DLGAP2: variants seen among roughly 807,000 people sequenced by gnomAD.
The protein encoded by DLGAP2 is disks large-associated protein 2.
Under a neutral mutation model 100.3 loss-of-function variants are expected in DLGAP2, and 26 were observed. The ratio of observed to expected loss-of-function variants is 0.26; its 90% CI spans 0.19 to 0.36. DLGAP2 has a LOEUF of 0.36. Ranked by LOEUF, DLGAP2 falls within the 10% of genes least tolerant of loss-of-function variation. The pLI is 1.00. For missense variants in DLGAP2, 1,858 were observed against 1,453.2 expected, an observed-to-expected ratio of 1.28 and a Z score of -4.53; for synonymous variants, 886 against 630.1, an observed-to-expected ratio of 1.41 and a Z score of -6.08.
At chr8:1,074,865 G>C (rs1353598146) in intron 2 of DLGAP2, among the ~76,000 whole-genome samples, 1 of 152,190 alleles carries the variant, frequency 6.6e-6, no homozygotes, top group Non-Finnish European at 1.5e-5. Context: ...GAGGTCACTG[G>C]GTCATCACCA....
rs113977599 is a variant in DLGAP2, at chr8:1,470,837, T to C, written c.107-30529T>C. Among the ~76,000 whole-genome samples the C allele has an allele frequency of 8.2e-3, 89 of 10,888 alleles. 18 individuals are homozygous for C. The highest frequency in any genetic ancestry group is 9.1e-3 in the Admixed American group (8 of 876). The allele number at this position is 10,888 out of a possible 152,430, so 7.1% of individuals were successfully genotyped here. A position where few individuals can be genotyped will look rare whatever the true frequency, so the allele number is the denominator to read the frequency against. On this transcript the variant is annotated intron_variant, in intron 3 of 14. Coordinates refer to ENST00000637795, the MANE Select transcript of DLGAP2 (RefSeq NM_001346810.2). ...GACCCCTCCAGCCTTTCCCGACCCC[T>C]CCAGGCTTTCCCGACCCCTCCAGCC... is the stretch of plus-strand genomic sequence containing the variant.
chr8:1,277,347 C>G (rs1799718988), intron 3 of DLGAP2, among the ~76,000 whole-genome samples: 1 of 151,988 alleles, frequency 6.6e-6, no homozygotes, highest in African/African-American at 2.4e-5. Context: ...ATCTAGGCAG[C>G]CTGTTTTTGG....
intron 2 of DLGAP2, among the ~76,000 whole-genome samples, chr8:930,130 C>G (rs1012830889): frequency 2.0e-5 from 3 of 152,092 alleles, no homozygotes; most frequent in Non-Finnish European, 4.4e-5. Flanking sequence ...ACCTGGCGAC[C>G]CTGGCCTCTC....
rs185449626 is a variant in DLGAP2 at position 1,220,259 on chromosome 8, T to C, written c.74-38592T>C. Among the ~76,000 whole-genome samples, 27 of 152,306 alleles carry C rather than the reference T, an allele frequency of 1.8e-4. 1 individual carries two copies. Among genetic ancestry groups the C allele is most frequent in the Admixed American group, 1.0e-3 (16 of 15,302 alleles). ...TGTAATCATTTAGTGCTAGAAACTT[T>C]CCTCTTAACACTGCTTTACCTGTGA... On this transcript the variant is annotated intron_variant, in intron 2 of 14. Transcript: ENST00000637795.
intron 2 of DLGAP2, among the ~76,000 whole-genome samples, chr8:1,067,939 C>A (rs962662136): frequency 3.3e-5 from 5 of 152,072 alleles, no homozygotes; most frequent in African/African-American, 1.2e-4. Flanking sequence ...TCCTAAAAAT[C>A]CCCTCTGCTC....
intron 12 of DLGAP2, chr8:1,680,965 C>G (rs917547502): frequency 6.6e-6 from 1 of 152,122 alleles, no homozygotes; most frequent in African/African-American, 2.4e-5. Flanking sequence ...GGTGATGAGA[C>G]CTGCATGTCA....
chr8:1,631,125 C>T (rs1033266744), intron 7 of DLGAP2, among the ~76,000 whole-genome samples: 1 of 152,122 alleles, frequency 6.6e-6, no homozygotes, highest in African/African-American at 2.4e-5. Context: ...AGATGCTGCT[C>T]AACCACTTTT....
intron 12 of DLGAP2, among the ~76,000 whole-genome samples, chr8:1,687,313 C>A (rs997411802): frequency 1.3e-5 from 2 of 152,170 alleles, no homozygotes; most frequent in Non-Finnish European, 2.9e-5. Flanking sequence ...AATCAAATTT[C>A]TTTGTACATG....
chr8:756,115 A>G (rs1485502534), intron 1 of DLGAP2, among the ~76,000 whole-genome samples: 1 of 152,112 alleles, frequency 6.6e-6, no homozygotes, highest in Admixed American at 6.5e-5. Flanking sequence ...AGTCATAAGA[A>G]CACGCTGAGT....
At chr8:1,535,846 C>T (rs889407509) in intron 4 of DLGAP2, among the ~76,000 whole-genome samples, 1 of 152,132 alleles carries the variant, frequency 6.6e-6, no homozygotes, top group Admixed American at 6.5e-5. Flanking sequence ...TGTGCCGGCT[C>T]TCAGGTCCCA....
chr8:1,218,426 C>G (rs1445189398), intron 2 of DLGAP2, among the ~76,000 whole-genome samples: 1 of 152,078 alleles, frequency 6.6e-6, no homozygotes, highest in Non-Finnish European at 1.5e-5. Flanking sequence ...TGGGGGTTCT[C>G]TATCCCGTTC....
intron 3 of DLGAP2, among the ~76,000 whole-genome samples, chr8:1,347,921 A>G (rs1428847944): frequency 1.3e-5 from 2 of 150,264 alleles, no homozygotes; most frequent in Admixed American, 1.3e-4. Context: ...CATTGCACTC[A>G]TGGTAGCTGT....
intron 3 of DLGAP2, among the ~76,000 whole-genome samples, chr8:1,320,216 G>C (rs538631041): frequency 6.6e-6 from 1 of 152,140 alleles, no homozygotes; most frequent in South Asian, 2.1e-4. Context: ...GGAAGGGTAA[G>C]GATGAAATGA....
chr8:1,644,387 C>T (rs894418516), intron 8 of DLGAP2, among the ~76,000 whole-genome samples: 7 of 152,224 alleles, frequency 4.6e-5, no homozygotes, highest in Non-Finnish European at 7.3e-5. Flanking sequence ...GCTGCCCTCT[C>T]GCTCCCACCC....
chr8:1,316,942 C>A (rs188696720), intron 3 of DLGAP2, among the ~76,000 whole-genome samples: 1,796 of 59,674 alleles, frequency 0.03, 15 homozygotes, highest in Admixed American at 0.043. Context: ...ACACTCGAGA[C>A]ACTCGGCAGC....
chr8:1,031,624 C>T (rs920812903), intron 2 of DLGAP2, among the ~76,000 whole-genome samples: 11 of 151,854 alleles, frequency 7.2e-5, no homozygotes, highest in South Asian at 2.1e-4. Flanking sequence ...TTGCCCAAGC[C>T]GGTTGTGAAA....
At chr8:1,582,485 C>T (rs1193620295) in intron 6 of DLGAP2, among the ~76,000 whole-genome samples, 1 of 138,300 alleles carries the variant, frequency 7.2e-6, no homozygotes, top group East Asian at 2.1e-4. Context: ...AAATATCTTT[C>T]ATAAATCAAA....
intron 3 of DLGAP2, among the ~76,000 whole-genome samples, chr8:1,382,398 C>G (rs1374193653): frequency 6.6e-6 from 1 of 152,142 alleles, no homozygotes; most frequent in Non-Finnish European, 1.5e-5. Flanking sequence ...GCAGTTCCAA[C>G]CAATGTTGTT....
intron 3 of DLGAP2, among the ~76,000 whole-genome samples, chr8:1,412,312 C>G (rs1002024010): frequency 6.6e-6 from 1 of 152,224 alleles, no homozygotes; most frequent in African/African-American, 2.4e-5. Flanking sequence ...CCTTCTGAGG[C>G]TCCATTCTCT....
Sources: allele counts gnomAD v4.1 joint callset (sites outside exome capture counted in the v4.1 genomes callset), GRCh38; gene constraint gnomAD v4.1.1; transcripts MANE v1.5; gene names NCBI Gene and HGNC (gene_info 2026-07-23, HGNC 2026-07-21).